HLCS: variants seen among roughly 807,000 people sequenced by gnomAD.
The protein encoded by HLCS is biotin--protein ligase.
In HLCS, 53 loss-of-function variants were observed where a neutral mutation model predicts 75.0. The ratio of observed to expected loss-of-function variants is 0.71; its 90% confidence interval spans 0.57 to 0.89. The LOEUF (loss-of-function observed/expected upper bound fraction) is 0.89. Ranked by LOEUF, HLCS falls within the 40% of genes least tolerant of loss-of-function variation. The probability of loss-of-function intolerance (pLI) is 0.00; values close to 1 mark genes in which losing one functional copy is unlikely to be tolerated. For missense variants in HLCS, 966 were observed against 1,074.0 expected, an observed-to-expected ratio of 0.90 and a Z score of 1.41; for synonymous variants, 431 against 428.6, an observed-to-expected ratio of 1.01 and a Z score of -0.07.
At chr21:36,934,848 C>A (rs1368634627) in intron 4 of HLCS, among the ~76,000 whole-genome samples, 1 of 152,128 alleles carries the variant, frequency 6.6e-6, no homozygotes. Context: ...AGACACAGGC[C>A]TGTGGAGAAA....
intron 2 of HLCS, among the ~76,000 whole-genome samples, chr21:36,944,462 T>C (rs1320507817): frequency 6.6e-6 from 1 of 152,224 alleles, no homozygotes. Flanking sequence ...TATAAATTCA[T>C]CAAAACACAC....
chr21:36,912,540 C>T (rs192931065), intron 5 of HLCS, among the ~76,000 whole-genome samples: 87 of 151,486 alleles, frequency 5.7e-4, no homozygotes, highest in Admixed American at 3.0e-3. Context: ...CTATTTAGGA[C>T]GCTTAAAAAA....
At chr21:36,962,815 A>AAAAAG in intron 1 of HLCS, among the ~76,000 whole-genome samples, 1 of 146,664 alleles carries the variant, frequency 6.8e-6, no homozygotes, top group Non-Finnish European at 1.5e-5. Flanking sequence ...AAAAAAAAAA[A>AAAAAG]GATGAGGAGG....
At chr21:36,765,452 A>G (rs2089998684) in intron 7 of HLCS, among the ~76,000 whole-genome samples, 1 of 152,218 alleles carries the variant, frequency 6.6e-6, no homozygotes, top group Admixed American at 6.5e-5. Context: ...GAACATGACT[A>G]TATGACTATA....
chr21:36,891,648 C>T (rs1054213832), intron 6 of HLCS, among the ~76,000 whole-genome samples: 4 of 152,170 alleles, frequency 2.6e-5, no homozygotes, highest in African/African-American at 7.2e-5. Context: ...TGTATCCTTA[C>T]AGGAAACAGC....
At chr21:36,902,625 A>C (rs1477055392) in intron 5 of HLCS, among the ~76,000 whole-genome samples, 1 of 152,180 alleles carries the variant, frequency 6.6e-6, no homozygotes, top group Non-Finnish European at 1.5e-5. Context: ...GTTCTCAATA[A>C]ATAGGAAGCA....
chr21:36,945,229 T>G (rs1409969841), intron 2 of HLCS, among the ~76,000 whole-genome samples: 2 of 152,106 alleles, frequency 1.3e-5, no homozygotes, highest in South Asian at 2.1e-4. Context: ...GGTTTTTTTT[T>G]GTCTCAAAGA....
chr21:36,863,977 C>T (rs7282868), intron 6 of HLCS, among the ~76,000 whole-genome samples: 30,079 of 152,196 alleles, frequency 0.2, 3,198 homozygotes, highest in Middle Eastern at 0.3. Context: ...TAAGCTAGGA[C>T]AGTTGCAAAG....
At chr21:36,898,446 C>CAAAAAAAAAAA (rs58625493) in intron 5 of HLCS, among the ~76,000 whole-genome samples, 22 of 49,492 alleles carry the variant, frequency 4.4e-4, no homozygotes, top group Non-Finnish European at 5.8e-4. Context: ...AACTCCATCT[C>CAAAAAAAAAAA]AAAAAAAAAA....
intron 1 of HLCS, among the ~76,000 whole-genome samples, chr21:36,963,679 G>A (rs187492719): frequency 6.6e-6 from 1 of 152,130 alleles, no homozygotes; most frequent in Non-Finnish European, 1.5e-5. Context: ...TTGAACCCGG[G>A]AGGCAGAAGT....
chr21:36,845,017 G>T (rs2062747062), intron 6 of HLCS, among the ~76,000 whole-genome samples: 1 of 151,712 alleles, frequency 6.6e-6, no homozygotes. Flanking sequence ...ACCACTGCAG[G>T]TTTCTTTTCA....
intron 6 of HLCS, among the ~76,000 whole-genome samples, chr21:36,797,961 CA>C (rs368260525): frequency 9.2e-5 from 14 of 152,162 alleles, no homozygotes; most frequent in African/African-American, 3.4e-4. Flanking sequence ...AATACAGACA[CA>C]AATATTGGGT....
In HLCS at chr21:36,767,333, G is replaced by T. The variant is rs372073604; in HGVS notation, c.1893-48C>A. On this transcript the variant is annotated intron_variant, in intron 6 of 10. Coordinates refer to ENST00000674895, the MANE Select transcript of HLCS (RefSeq NM_001352514.2). ...GGTTAGGCCAGACATGGACACGCCC[G>T]CGGCACCAATGGCTCACACAGGAGG... is the stretch of plus-strand genomic sequence containing the variant. 30 of 1,557,266 alleles carry T rather than the reference G, an allele frequency of 1.9e-5. No homozygotes were observed. The African/African-American group carries it at 3.7e-4, about 19-fold the overall frequency.
At chr21:36,945,480 G>A (rs1218988737) in intron 2 of HLCS, among the ~76,000 whole-genome samples, 2 of 152,134 alleles carry the variant, frequency 1.3e-5, no homozygotes, top group Non-Finnish European at 2.9e-5. Context: ...CCATAAAAAG[G>A]AATGAGAATG....
chr21:36,888,440 AAAAAAATATATATAT>A (rs1194876140), intron 6 of HLCS, among the ~76,000 whole-genome samples: 10 of 30,542 alleles, frequency 3.3e-4, no homozygotes, highest in South Asian at 1.5e-3. Context: ...TTTAAAAAAA[AAAAAAATATATATAT>A]ATATATATAT....
intron 6 of HLCS, among the ~76,000 whole-genome samples, chr21:36,785,355 G>A (rs551657913): frequency 3.3e-5 from 5 of 152,190 alleles, no homozygotes; most frequent in South Asian, 2.1e-4. Context: ...CCCCGTGAAC[G>A]AAACCTGGTT....
At chr21:36,989,046 A>ATTTTT (rs200491229) in intron 1 of HLCS, among the ~76,000 whole-genome samples, 1 of 142,588 alleles carries the variant, frequency 7.0e-6, no homozygotes, top group African/African-American at 2.5e-5. Context: ...TTATTTATTT[A>ATTTTT]TTTTTTTTGA....
rs190345917 is a variant in HLCS, at chr21:36,872,249, C to T, written c.1892+24611G>A. 3.4e-3 allele frequency among the ~76,000 whole-genome samples: 524 copies of T among 152,038 alleles called. 7 individuals are homozygous for T. The highest frequency in any genetic ancestry group is 0.012 in the African/African-American group (497 of 41,450). Reference sequence around the variant, plus strand: ...CATCCTGGCTAACATGGTGAAACCCCGTCTCTACTAAAAATACAAAAAAAT... The same window carrying T: ...CATCCTGGCTAACATGGTGAAACCCTGTCTCTACTAAAAATACAAAAAAAT... On this transcript the variant is annotated intron_variant, in intron 6 of 10. Coordinates refer to ENST00000674895, the MANE Select transcript of HLCS (RefSeq NM_001352514.2).
intron 6 of HLCS, among the ~76,000 whole-genome samples, chr21:36,832,618 A>G (rs1212686975): frequency 6.6e-6 from 1 of 152,244 alleles, no homozygotes; most frequent in Non-Finnish European, 1.5e-5. Flanking sequence ...AAAATAAGGC[A>G]TAGAAAGGTT....
Sources: gnomAD v4.1 joint callset for allele counts (sites outside exome capture counted in the v4.1 genomes callset) on GRCh38, gnomAD v4.1.1 for gene constraint, MANE v1.5 for transcripts, NCBI Gene and HGNC (gene_info 2026-07-23, HGNC 2026-07-21) for gene names.